TRABD2B: variants seen among roughly 807,000 people sequenced by gnomAD.
The protein encoded by TRABD2B is TraB domain containing 2B.
TRABD2B carries 14 observed loss-of-function variants against 40.1 expected under a neutral mutation model. The observed-to-expected ratio is 0.35, with a 90% CI of 0.23 to 0.55. The LOEUF (loss-of-function observed/expected upper bound fraction) is 0.55. Ranked by LOEUF, TRABD2B falls within the 20% of genes least tolerant of loss-of-function variation. TRABD2B has a pLI of 0.90. For missense variants in TRABD2B, 541 were observed against 648.6 expected (o/e 0.83, Z 1.80); for synonymous variants, 263 against 277.0 (o/e 0.95, Z 0.50).
chr1:47,983,011 C>G (rs141365302), intron 2 of TRABD2B, among the ~76,000 whole-genome samples: 1 of 152,150 alleles, frequency 6.6e-6, no homozygotes, highest in African/African-American at 2.4e-5. Flanking sequence ...ATAAATCATT[C>G]TACCATAGAG....
chr1:47,785,471 A>G (rs1230305964), intron 4 of TRABD2B, among the ~76,000 whole-genome samples: 2 of 152,246 alleles, frequency 1.3e-5, no homozygotes, highest in African/African-American at 4.8e-5. Context: ...GCAGGACGTC[A>G]GAAATGAAAG....
At chr1:47,862,224 C>T (rs922905696) in intron 2 of TRABD2B, among the ~76,000 whole-genome samples, 1 of 152,054 alleles carries the variant, frequency 6.6e-6, no homozygotes, top group African/African-American at 2.4e-5. Flanking sequence ...TTTTCAACAC[C>T]GTACTGGAAG....
intron 2 of TRABD2B, among the ~76,000 whole-genome samples, chr1:47,803,367 G>A (rs192921980): frequency 7.1e-4 from 108 of 152,288 alleles, no homozygotes; most frequent in African/African-American, 2.5e-3. Flanking sequence ...AAGTAGTTAC[G>A]TGCTGCTGAT....
At chr1:47,888,477 C>G (rs1394970687) in intron 2 of TRABD2B, among the ~76,000 whole-genome samples, 2 of 152,156 alleles carry the variant, frequency 1.3e-5, no homozygotes, top group Non-Finnish European at 2.9e-5. Context: ...AGAGGAGGAG[C>G]CTGTGGTCCT....
At position 47,972,271 on chromosome 1, in the gene TRABD2B, C is replaced by T. The variant is rs116121529; in HGVS notation, c.666+21763G>A. On this transcript the variant is annotated intron_variant, in intron 2 of 6. Coordinates refer to ENST00000606738, the MANE Select transcript of TRABD2B (RefSeq NM_001194986.2). The stretch of plus-strand genomic sequence containing the variant: ...GGAGCCACTGAATTCCTCATTCTGG[C>T]CTGAGAGTCCCTCCAGGCAGCAGTA... Among the ~76,000 whole-genome samples the T allele has an allele frequency of 1.5e-3, 227 of 152,304 alleles. 1 individual carries two copies. Among genetic ancestry groups the T allele is most frequent in the African/African-American group, 5.0e-3 (206 of 41,572 alleles).
At chr1:47,990,784 T>C (rs1340815622) in intron 2 of TRABD2B, among the ~76,000 whole-genome samples, 4 of 9,102 alleles carry the variant, frequency 4.4e-4, no homozygotes, top group Non-Finnish European at 6.0e-4. Context: ...TATATATATA[T>C]ATATATATAT....
chr1:47,969,725 G>A (rs1026288046), intron 2 of TRABD2B, among the ~76,000 whole-genome samples: 1 of 152,162 alleles, frequency 6.6e-6, no homozygotes, highest in Non-Finnish European at 1.5e-5. Context: ...GGCCTAAAAA[G>A]AAAGGCCAAA....
intron 6 of TRABD2B, among the ~76,000 whole-genome samples, chr1:47,769,436 A>C (rs1435493665): frequency 1.3e-5 from 2 of 152,244 alleles, no homozygotes; most frequent in African/African-American, 2.4e-5. Context: ...ACCAAAGATG[A>C]AAACTCCCGC....
rs1246356751 is a variant in TRABD2B, at chr1:47,797,142, C to G, written c.814-2382G>C. ...GCAGCTTACTAGCTGAGTGGTCTCT[C>G]TAGAACCAGAAAGTGACTTGGCCTC... On this transcript the variant is annotated intron_variant, in intron 3 of 6. Coordinates refer to ENST00000606738, the MANE Select transcript of TRABD2B (RefSeq NM_001194986.2). Among the ~76,000 whole-genome samples the G allele has an allele frequency of 2.0e-5, 3 of 152,204 alleles. No individual in the cohort carries two copies. The East Asian group carries it at 5.8e-4, about 29-fold the overall frequency.
chr1:47,791,138 G>A (rs1644665603), intron 4 of TRABD2B, among the ~76,000 whole-genome samples: 1 of 152,244 alleles, frequency 6.6e-6, no homozygotes, highest in East Asian at 1.9e-4. Flanking sequence ...GCAGGATTCT[G>A]GAGCTGGGCT....
rs1644257877 is a variant in TRABD2B at position 47,762,811 on chromosome 1, C to T, written c.*3091G>A. ...TCTGGCTGCTGGTGCATCAGACCCA[C>T]CACTGGAGGAAGACCTGGGGACATG... On this transcript the variant is annotated 3_prime_UTR_variant, in exon 7 of 7. Transcript: ENST00000606738. 6.6e-6 allele frequency: 1 copy of T among 152,286 alleles called. No homozygotes were observed. Among genetic ancestry groups the T allele is most frequent in the Middle Eastern group, 3.4e-3 (1 of 294 alleles). The allele number at this position is 152,286 out of a possible 1,614,324, so 9.4% of individuals were successfully genotyped here.
chr1:47,997,285 A>C lies in TRABD2B; in HGVS notation c.-496T>G, dbSNP rs1557704678. On this transcript the variant is annotated 5_prime_UTR_variant, in exon 1 of 7. Transcript: ENST00000606738. ...AGGGGTGGGGGGCGGCTCTGGGGCG[A>C]CCGGCTGCCCCCGAGCCCGGCTCAG... 3 of 914,462 alleles carry C rather than the reference A, an allele frequency of 3.3e-6. No individual in the cohort carries two copies. In the African/African-American group the frequency reaches 5.7e-5, roughly 17 times the overall value. 56.6% of individuals were successfully genotyped at this position (914,462 alleles called of 1,614,324 possible).
chr1:47,891,153 G>C (rs1475334280), intron 2 of TRABD2B, among the ~76,000 whole-genome samples: 3 of 152,220 alleles, frequency 2.0e-5, no homozygotes, highest in African/African-American at 7.2e-5. Context: ...ATAGTGCTTA[G>C]TGTACATAAT....
intron 4 of TRABD2B, among the ~76,000 whole-genome samples, chr1:47,779,589 G>A (rs1644493044): frequency 6.6e-6 from 1 of 152,206 alleles, no homozygotes; most frequent in South Asian, 2.1e-4. Context: ...CCCTCAGGAG[G>A]CCCAGTGGCT....
intron 2 of TRABD2B, among the ~76,000 whole-genome samples, chr1:47,991,998 C>T (rs1020231348): frequency 1.3e-4 from 20 of 152,170 alleles, no homozygotes; most frequent in Admixed American, 1.1e-3. Flanking sequence ...GAGATTTCAT[C>T]GCCTCCCTAC....
At chr1:47,827,726 C>G (rs1221304325) in intron 2 of TRABD2B, among the ~76,000 whole-genome samples, 1 of 151,972 alleles carries the variant, frequency 6.6e-6, no homozygotes, top group Non-Finnish European at 1.5e-5. Flanking sequence ...GAGGTACCCC[C>G]CTTTTTAAAC....
intron 2 of TRABD2B, among the ~76,000 whole-genome samples, chr1:47,908,216 C>T (rs964451152): frequency 6.6e-6 from 1 of 152,032 alleles, no homozygotes; most frequent in Non-Finnish European, 1.5e-5. Context: ...TCTATATGCA[C>T]ATATAGAGAG....
At chr1:47,828,733 A>C (rs1424637554) in intron 2 of TRABD2B, among the ~76,000 whole-genome samples, 2 of 152,034 alleles carry the variant, frequency 1.3e-5, no homozygotes, top group African/African-American at 2.4e-5. Flanking sequence ...ACTGAATTTA[A>C]CCCAATAGCA....
intron 2 of TRABD2B, among the ~76,000 whole-genome samples, chr1:47,960,572 C>T (rs1310262662): frequency 1.3e-5 from 2 of 149,860 alleles, no homozygotes; most frequent in African/African-American, 5.1e-5. Flanking sequence ...ACACCAATAA[C>T]AGACAGAGAG....
Sources: gnomAD v4.1 joint callset for allele counts (sites outside exome capture counted in the v4.1 genomes callset) on GRCh38, gnomAD v4.1.1 for gene constraint, MANE v1.5 for transcripts, NCBI Gene and HGNC (gene_info 2026-07-23, HGNC 2026-07-21) for gene names.